Variants in SAMMSON observed in about 807,000 individuals in gnomAD.
The protein encoded by SAMMSON is survival associated mitochondrial melanoma specific oncogenic non-coding RNA.
intron 4 of SAMMSON, chr3:70,196,978 G>T: frequency 2.5e-6 from 1 of 398,520 alleles, no homozygotes; most frequent in Non-Finnish European, 4.4e-6. Flanking sequence ...ACACTCGCTG[G>T]TCTCATGGCA....
chr3:70,077,823 T>C (rs186492046), intron 4 of SAMMSON, among the ~76,000 whole-genome samples: 4 of 152,236 alleles, frequency 2.6e-5, no homozygotes, highest in Non-Finnish European at 5.9e-5. Flanking sequence ...GATACGCTGG[T>C]CACAAGGCAT....
At chr3:70,039,171 C>T (rs1361272170) in intron 3 of SAMMSON, among the ~76,000 whole-genome samples, 1 of 152,098 alleles carries the variant, frequency 6.6e-6, no homozygotes, top group African/African-American at 2.4e-5. Flanking sequence ...AGTACTTGAC[C>T]TGCCCCAGCC....
At chr3:70,430,794 T>A (rs549635450) in intron 2 of SAMMSON, among the ~76,000 whole-genome samples, 1 of 152,302 alleles carries the variant, frequency 6.6e-6, no homozygotes, top group Non-Finnish European at 1.5e-5. Flanking sequence ...GGTTGATGTA[T>A]ACTATAGGAT....
intron 7 of SAMMSON, among the ~76,000 whole-genome samples, chr3:70,311,319 T>C (rs1300355918): frequency 1.3e-5 from 2 of 152,190 alleles, no homozygotes; most frequent in Non-Finnish European, 2.9e-5. Context: ...ATCACAGGTT[T>C]AGCTGTATTT....
At chr3:70,301,828 C>T (rs1288429258) in intron 7 of SAMMSON, among the ~76,000 whole-genome samples, 1 of 151,936 alleles carries the variant, frequency 6.6e-6, no homozygotes, top group Non-Finnish European at 1.5e-5. Context: ...GGTAACTCTA[C>T]AGGAAGTTTA....
chr3:70,383,378 T>A (rs1489318671), intron 9 of SAMMSON, among the ~76,000 whole-genome samples: 2 of 151,624 alleles, frequency 1.3e-5, no homozygotes, highest in African/African-American at 4.8e-5. Flanking sequence ...TGGTCCTCCT[T>A]TTAGCTAACA....
At chr3:70,083,254 G>T (rs2067272912) in intron 4 of SAMMSON, among the ~76,000 whole-genome samples, 1 of 152,156 alleles carries the variant, frequency 6.6e-6, no homozygotes, top group Non-Finnish European at 1.5e-5. Context: ...TTCATTCTGA[G>T]GCCGCATGTG....
At chr3:70,242,285 C>T (rs1429943155) in intron 4 of SAMMSON, among the ~76,000 whole-genome samples, 1 of 152,156 alleles carries the variant, frequency 6.6e-6, no homozygotes. Flanking sequence ...GATAACATCT[C>T]TTTGGAAATG....
chr3:70,365,202 C>T (rs1275291854), intron 9 of SAMMSON, among the ~76,000 whole-genome samples: 1 of 151,562 alleles, frequency 6.6e-6, no homozygotes, highest in Admixed American at 6.6e-5. Flanking sequence ...TAATACATTT[C>T]CTCCCTGAGT....
chr3:70,380,774 A>G (rs1027641114), intron 9 of SAMMSON, among the ~76,000 whole-genome samples: 1 of 150,784 alleles, frequency 6.6e-6, no homozygotes, highest in African/African-American at 2.4e-5. Context: ...ATTCCCACCT[A>G]TGAGTGAGAG....
chr3:70,236,467 GTTC>G (rs1701610073), intron 4 of SAMMSON, among the ~76,000 whole-genome samples: 1 of 152,106 alleles, frequency 6.6e-6, no homozygotes, highest in Non-Finnish European at 1.5e-5. Flanking sequence ...CTTGCAACAT[GTTC>G]TTCTTACTAA....
intron 6 of SAMMSON, chr3:70,249,681 T>A (rs770821324): frequency 6.6e-6 from 1 of 152,128 alleles, no homozygotes; most frequent in Non-Finnish European, 1.5e-5. Context: ...GTGAGAGTCA[T>A]CCTTCATTTA....
intron 4 of SAMMSON, among the ~76,000 whole-genome samples, chr3:70,163,702 A>G (rs1371607433): frequency 6.6e-6 from 1 of 152,068 alleles, no homozygotes; most frequent in African/African-American, 2.4e-5. Flanking sequence ...ACTGTGTTGG[A>G]GCTGACGATG....
chr3:70,285,905 G>T (rs1021192665), intron 6 of SAMMSON, among the ~76,000 whole-genome samples: 1 of 151,354 alleles, frequency 6.6e-6, no homozygotes, highest in Non-Finnish European at 1.5e-5. Flanking sequence ...TGATGGGGTT[G>T]TTTGTTTTTT....
chr3:70,089,012 G>T (rs1158927830), intron 4 of SAMMSON, among the ~76,000 whole-genome samples: 1 of 152,070 alleles, frequency 6.6e-6, no homozygotes, highest in Non-Finnish European at 1.5e-5. Flanking sequence ...GCAGACCAGG[G>T]TCTGCTCAGG....
At chr3:70,248,754 A>G (rs1199738983) in intron 4 of SAMMSON, among the ~76,000 whole-genome samples, 1 of 152,184 alleles carries the variant, frequency 6.6e-6, no homozygotes. Flanking sequence ...ACAGCTCAAC[A>G]TATTGGAAAA....
At chr3:70,108,983 A>AT (rs769613111) in intron 4 of SAMMSON, among the ~76,000 whole-genome samples, 4 of 152,106 alleles carry the variant, frequency 2.6e-5, no homozygotes, top group Admixed American at 6.5e-5. Flanking sequence ...AGTATCTAAG[A>AT]TTTTAAACCC....
intron 9 of SAMMSON, among the ~76,000 whole-genome samples, chr3:70,375,401 TG>T (rs1390294926): frequency 1.3e-4 from 15 of 115,904 alleles, no homozygotes; most frequent in South Asian, 3.1e-4. Context: ...AGTTTTTTGT[TG>T]TTTTTTTTTT....
chr3:70,364,719 C>A (rs1034201735), intron 9 of SAMMSON, among the ~76,000 whole-genome samples: 5 of 151,834 alleles, frequency 3.3e-5, no homozygotes, highest in African/African-American at 1.2e-4. Context: ...TTGTTGTAAT[C>A]TTCTTTTGCA....
Sources: gnomAD v4.1 joint callset for allele counts (sites outside exome capture counted in the v4.1 genomes callset) on GRCh38, gnomAD v4.1.1 for gene constraint, MANE v1.5 for transcripts, NCBI Gene and HGNC (gene_info 2026-07-23, HGNC 2026-07-21) for gene names.